The following EYS variants were observed in gnomAD, a reference collection of about 807,000 sequenced individuals.
EYS encodes the protein EGF-like photoreceptor maintenance factor.
In EYS, 250 loss-of-function variants were observed where a neutral mutation model predicts 282.1. The observed-to-expected ratio is 0.89, with a 90% CI of 0.80 to 0.98. The LOEUF is 0.98. Among genes scored for constraint, EYS ranks in the 50% least tolerant of loss-of-function variants. The pLI is 0.00. For synonymous variants in EYS, 1,355 were observed against 1,282.9 expected (o/e 1.06, Z -1.20); for missense variants, 4,016 against 3,709.0 (o/e 1.08, Z -2.15).
intron 31 of EYS, among the ~76,000 whole-genome samples, chr6:64,171,020 C>T (rs190666700): frequency 1.3e-3 from 205 of 152,196 alleles, no homozygotes; most frequent in Middle Eastern, 3.4e-3. Context: ...CTGAACCTAC[C>T]GCTTCTTCTG....
At position 65,067,078 on chromosome 6, in the gene EYS, A is replaced by G. The variant is rs145259118; in HGVS notation, c.2024-9351T>C. 2.4e-3 allele frequency among the ~76,000 whole-genome samples: 361 copies of G among 152,268 alleles called. 2 individuals carry two copies. Among genetic ancestry groups the G allele is most frequent in the South Asian group, 3.7e-3 (18 of 4,830 alleles). ...AATTAAGATATCTGCTATTCTTAAT[A>G]ATCTGTGTCTGTTGGATCAAACTAA... On this transcript the variant is annotated intron_variant, in intron 12 of 42. Transcript: ENST00000503581.
chr6:64,879,463 G>T (rs9363290), intron 19 of EYS, among the ~76,000 whole-genome samples: 12,542 of 151,868 alleles, frequency 0.083, 763 homozygotes, highest in East Asian at 0.32. Context: ...AAGAAATTCT[G>T]AAACACTGAG....
chr6:65,171,747 G>A (rs1765110358), intron 12 of EYS, among the ~76,000 whole-genome samples: 1 of 151,354 alleles, frequency 6.6e-6, no homozygotes, highest in Non-Finnish European at 1.5e-5. Flanking sequence ...GATAAAGCTG[G>A]CAAATTCCAC....
intron 2 of EYS, among the ~76,000 whole-genome samples, chr6:65,612,034 T>C (rs1766019546): frequency 6.6e-6 from 1 of 151,892 alleles, no homozygotes; most frequent in Non-Finnish European, 1.5e-5. Context: ...CAATACTTAT[T>C]ATCTTAACAA....
At chr6:64,608,741 A>G (rs1767014976) in intron 24 of EYS, among the ~76,000 whole-genome samples, 1 of 152,164 alleles carries the variant, frequency 6.6e-6, no homozygotes, top group Non-Finnish European at 1.5e-5. Context: ...AGGGGCTCTC[A>G]TGCCATGAAA....
intron 2 of EYS, among the ~76,000 whole-genome samples, chr6:65,511,198 C>A (rs1766855130): frequency 6.6e-6 from 1 of 152,076 alleles, no homozygotes; most frequent in African/African-American, 2.4e-5. Context: ...AGGAAAATAG[C>A]ACACCTGCTG....
At chr6:64,316,514 A>C (rs1038761980) in intron 29 of EYS, among the ~76,000 whole-genome samples, 1 of 152,138 alleles carries the variant, frequency 6.6e-6, no homozygotes, top group African/African-American at 2.4e-5. Flanking sequence ...AAGGGACGTG[A>C]AGGACCTCTT....
intron 33 of EYS, among the ~76,000 whole-genome samples, chr6:64,023,930 C>A (rs140908144): frequency 3.0e-4 from 46 of 152,336 alleles, no homozygotes; most frequent in Middle Eastern, 3.4e-3. Context: ...GGGCCAGCAG[C>A]TGCTGTGCTC....
chr6:64,091,650 C>T (rs1410947818), intron 31 of EYS, among the ~76,000 whole-genome samples: 1 of 152,128 alleles, frequency 6.6e-6, no homozygotes, highest in East Asian at 1.9e-4. Flanking sequence ...GCACTGAGAA[C>T]ATGACTCGTG....
chr6:65,204,453 A>G (rs1232957636), intron 12 of EYS, among the ~76,000 whole-genome samples: 1 of 151,838 alleles, frequency 6.6e-6, no homozygotes, highest in East Asian at 1.9e-4. Flanking sequence ...ATTAAGCATC[A>G]TAAACGAAGA....
At position 65,638,092 on chromosome 6, in the gene EYS, G is replaced by A. The variant is rs184039589; in HGVS notation, c.-333+1686C>T. Among the ~76,000 whole-genome samples, 21 of 152,208 alleles carry A rather than the reference G, an allele frequency of 1.4e-4. No homozygotes were observed. The East Asian group carries it at 2.1e-3, about 15-fold the overall frequency. ...AATGACAGCCCATGGACAAATAAGC[G>A]CATATTTCCTCCCTTCTGAGCCCAC... On this transcript the variant is annotated intron_variant, in intron 2 of 42. Transcript: ENST00000503581.
chr6:64,871,324 C>CAA (rs35970126), intron 19 of EYS, among the ~76,000 whole-genome samples: 13,488 of 131,770 alleles, frequency 0.1, 783 homozygotes, highest in East Asian at 0.33. Flanking sequence ...AGTTGCTTCT[C>CAA]AAAAAAAAAA....
intron 35 of EYS, among the ~76,000 whole-genome samples, chr6:63,956,618 G>A (rs1167978404): frequency 1.3e-5 from 2 of 152,126 alleles, no homozygotes; most frequent in Non-Finnish European, 2.9e-5. Context: ...ACAATTGGAT[G>A]TCTTTATAAG....
intron 22 of EYS, among the ~76,000 whole-genome samples, chr6:64,767,983 G>A (rs956683177): frequency 1.3e-5 from 2 of 151,978 alleles, no homozygotes; most frequent in African/African-American, 4.8e-5. Context: ...CACGCTAACT[G>A]GGGTGAGATA....
At chr6:65,327,513 A>G (rs1473030116) in intron 11 of EYS, among the ~76,000 whole-genome samples, 1 of 151,618 alleles carries the variant, frequency 6.6e-6, no homozygotes, top group Non-Finnish European at 1.5e-5. Context: ...TGTATAATCT[A>G]CTTAGCTTTG....
At chr6:65,384,346 TG>T (rs1765722452) in intron 8 of EYS, 39 bp downstream of exon 8, 1 of 1,144,968 alleles carries the variant, frequency 8.7e-7, no homozygotes. Flanking sequence ...TATTGTATTT[TG>T]AAGGGCTAAC....
intron 5 of EYS, among the ~76,000 whole-genome samples, chr6:65,446,566 C>G (rs1265965580): frequency 1.3e-5 from 2 of 151,592 alleles, no homozygotes; most frequent in Non-Finnish European, 3.0e-5. Context: ...TGATTAATGG[C>G]AAGACAAGAT....
intron 29 of EYS, among the ~76,000 whole-genome samples, chr6:64,366,324 A>C (rs957763080): frequency 3.3e-5 from 5 of 152,040 alleles, no homozygotes; most frequent in African/African-American, 7.2e-5. Context: ...TAAGAAGTCC[A>C]AGAAAGTTGA....
rs986717922 is a variant in EYS, at chr6:63,758,518, G to T, written c.8071+3943C>A. ...TAGTTATATGCTAGGCACTGTGGAG[G>T]CCTCTTTATTTTATTGATTCCTTAT... On this transcript the variant is annotated intron_variant, in intron 41 of 42. Transcript: ENST00000503581. Among the ~76,000 whole-genome samples, 3 of 151,850 alleles carry T rather than the reference G, an allele frequency of 2.0e-5. No homozygotes were observed. The South Asian group carries it at 6.2e-4, about 32-fold the overall frequency.
Sources: allele counts gnomAD v4.1 joint callset (sites outside exome capture counted in the v4.1 genomes callset), GRCh38; gene constraint gnomAD v4.1.1; transcripts MANE v1.5; gene names NCBI Gene and HGNC (gene_info 2026-07-23, HGNC 2026-07-21).